Variants in NRG1 observed in about 807,000 individuals in gnomAD.
The protein encoded by NRG1 is neuregulin 1.
In NRG1, 18 loss-of-function variants were observed where a neutral mutation model predicts 63.8. The ratio of observed to expected loss-of-function variants is 0.28; its 90% CI spans 0.19 to 0.42. The LOEUF (loss-of-function observed/expected upper bound fraction) is 0.42. Among genes scored for constraint, NRG1 ranks in the 10% least tolerant of loss-of-function variants. The probability of loss-of-function intolerance (pLI) is 1.00; values close to 1 mark genes in which losing one functional copy is unlikely to be tolerated. For synonymous variants in NRG1, 302 were observed against 301.3 expected, an observed-to-expected ratio of 1.00 and a Z score of -0.02; for missense variants, 762 against 814.7, an observed-to-expected ratio of 0.94 and a Z score of 0.79.
In NRG1 at chr8:32,153,430, T is replaced by C. The variant is rs528162292; in HGVS notation, c.38-442398T>C. Among the ~76,000 whole-genome samples, 5 of 152,224 alleles carry C rather than the reference T, an allele frequency of 3.3e-5. No individual in the cohort carries two copies. The East Asian group carries it at 5.8e-4, about 18-fold the overall frequency. On this transcript the variant is annotated intron_variant, in intron 1 of 10. Coordinates refer to the NRG1 transcript ENST00000519301. ...GCTAAGTTGTCCCCTTGAGGAAGAATGAGGGAAAATGGAGTTCCTGCCACC... is the reference window on the plus strand; with the variant it reads ...GCTAAGTTGTCCCCTTGAGGAAGAACGAGGGAAAATGGAGTTCCTGCCACC...
chr8:32,045,688 C>T (rs1021372509), intron 1 of NRG1, among the ~76,000 whole-genome samples: 5 of 151,804 alleles, frequency 3.3e-5, no homozygotes, highest in African/African-American at 1.2e-4. Flanking sequence ...AATAAAGATG[C>T]AAAAGCAACT....
At chr8:32,005,556 A>G (rs1813641562) in intron 1 of NRG1, among the ~76,000 whole-genome samples, 1 of 151,994 alleles carries the variant, frequency 6.6e-6, no homozygotes, top group African/African-American at 2.4e-5. Context: ...ACTAGTTTAA[A>G]ATATTGCCAT....
intron 1 of NRG1, among the ~76,000 whole-genome samples, chr8:32,203,464 C>T (rs1438225322): frequency 6.6e-6 from 1 of 151,824 alleles, no homozygotes; most frequent in East Asian, 1.9e-4. Flanking sequence ...ACCTCTGTCT[C>T]CCAGCTTCAA....
chr8:32,226,789 A>G (rs796376270), intron 1 of NRG1, among the ~76,000 whole-genome samples: 5 of 152,302 alleles, frequency 3.3e-5, no homozygotes, highest in African/African-American at 1.2e-4. Context: ...GCTGCACTGT[A>G]TGGGAAATAC....
chr8:32,676,266 G>A (rs1807089559), intron 5 of NRG1, among the ~76,000 whole-genome samples: 1 of 152,082 alleles, frequency 6.6e-6, no homozygotes, highest in African/African-American at 2.4e-5. Flanking sequence ...AAGCTAACTG[G>A]GGACTTGCTC....
intron 1 of NRG1, among the ~76,000 whole-genome samples, chr8:31,888,889 T>A (rs529626673): frequency 6.6e-6 from 1 of 152,260 alleles, no homozygotes; most frequent in African/African-American, 2.4e-5. Flanking sequence ...AAAATTTGAA[T>A]AAGGCATATT....
chr8:32,280,705 T>G lies in NRG1; in HGVS notation c.38-315123T>G, dbSNP rs1357685106. 2.3e-3 allele frequency among the ~76,000 whole-genome samples: 335 copies of G among 144,488 alleles called. 3 individuals carry two copies. The highest frequency in any genetic ancestry group is 7.8e-3 in the African/African-American group (304 of 39,064). The allele number at this position is 144,488 out of a possible 152,430, so 94.8% of individuals were successfully genotyped here. ...GTTTTTTTTTTGTTTTTTTTTTTTT[T>G]TTTTTTTTTCAGATAAACCATGAAT... On this transcript the variant is annotated intron_variant, in intron 1 of 10. Transcript: ENST00000519301.
At chr8:31,846,067 A>G (rs1281190926) in intron 1 of NRG1, among the ~76,000 whole-genome samples, 2 of 152,212 alleles carry the variant, frequency 1.3e-5, no homozygotes, top group South Asian at 2.1e-4. Flanking sequence ...TTTGAAACCA[A>G]GGCAAGTCAA....
intron 1 of NRG1, among the ~76,000 whole-genome samples, chr8:32,562,629 C>T (rs901888038): frequency 3.5e-4 from 53 of 151,982 alleles, no homozygotes; most frequent in African/African-American, 1.2e-3. Flanking sequence ...TGAAGGATGA[C>T]GGCATGGTTT....
intron 5 of NRG1, among the ~76,000 whole-genome samples, chr8:32,621,315 TG>T (rs1265772377): frequency 1.3e-5 from 2 of 152,204 alleles, no homozygotes; most frequent in East Asian, 1.9e-4. Context: ...TATAAATAAT[TG>T]CCTAAATGAG....
chr8:32,681,459 C>G lies in NRG1; in HGVS notation c.503-46490C>G, dbSNP rs776588370. ...CCTTCTCCTTCTTCTGCACCTTTTCCTGTGTATTGTCTCCCATTTTAAAAT... is the reference window on the plus strand; with the variant it reads ...CCTTCTCCTTCTTCTGCACCTTTTCGTGTGTATTGTCTCCCATTTTAAAAT... On this transcript the variant is annotated intron_variant, in intron 5 of 11. Transcript: ENST00000356819. 3.4e-4 allele frequency among the ~76,000 whole-genome samples: 51 copies of G among 152,180 alleles called. 1 individual carries two copies. Among genetic ancestry groups the G allele is most frequent in the Middle Eastern group, 6.8e-3 (2 of 294 alleles).
In NRG1 at chr8:31,665,702, A is replaced by C. The variant is rs543955685; in HGVS notation, c.37+26271A>C. Among the ~76,000 whole-genome samples the C allele has an allele frequency of 2.6e-5, 4 of 152,336 alleles. No individual in the cohort carries two copies. In the South Asian group the frequency reaches 8.3e-4, roughly 32 times the overall value. ...CTTTGATTAGTCAATCTAGAAAAGC[A>C]TAGGCTTTATTTTTTTTAATTTTTA... On this transcript the variant is annotated intron_variant, in intron 1 of 10. Transcript: ENST00000519301.
At chr8:32,657,747 G>A (rs1415286115) in intron 5 of NRG1, among the ~76,000 whole-genome samples, 1 of 152,182 alleles carries the variant, frequency 6.6e-6, no homozygotes, top group Non-Finnish European at 1.5e-5. Flanking sequence ...TCTTCTGGGA[G>A]CAAAAGGAAT....
chr8:31,810,110 A>G lies in NRG1; in HGVS notation c.37+170679A>G, dbSNP rs115859633. ...TTTCTTGTCCTACATTCTACATCCA[A>G]TGTATGAACTTGTGCTCACTTTTAT... On this transcript the variant is annotated intron_variant, in intron 1 of 10. Transcript: ENST00000519301. Among the ~76,000 whole-genome samples, 956 of 152,114 alleles carry G rather than the reference A, an allele frequency of 6.3e-3. 8 individuals carry two copies. Among genetic ancestry groups the G allele is most frequent in the African/African-American group, 0.022 (912 of 41,514 alleles).
chr8:31,900,497 A>T (rs1585611636), intron 1 of NRG1, among the ~76,000 whole-genome samples: 1 of 152,328 alleles, frequency 6.6e-6, no homozygotes, highest in South Asian at 2.1e-4. Context: ...ACAAATAGGT[A>T]AGTATAAAAA....
chr8:32,432,559 G>A (rs1818277571), intron 1 of NRG1, among the ~76,000 whole-genome samples: 1 of 152,184 alleles, frequency 6.6e-6, no homozygotes, highest in South Asian at 2.1e-4. Flanking sequence ...TGTCACCCAG[G>A]CTGGAGTTCA....
chr8:32,104,625 TA>T (rs1290990509), intron 1 of NRG1, among the ~76,000 whole-genome samples: 2 of 152,148 alleles, frequency 1.3e-5, no homozygotes, highest in African/African-American at 4.8e-5. Flanking sequence ...TACAGCTGTA[TA>T]AAAATAATTT....
At chr8:32,178,960 C>T (rs369896958) in intron 1 of NRG1, among the ~76,000 whole-genome samples, 47 of 152,000 alleles carry the variant, frequency 3.1e-4, no homozygotes, top group African/African-American at 1.1e-3. Context: ...GATCTCGATT[C>T]TCAATGCCAT....
At chr8:32,607,236 A>G (rs1845425689) in intron 3 of NRG1, among the ~76,000 whole-genome samples, 1 of 152,192 alleles carries the variant, frequency 6.6e-6, no homozygotes, top group Non-Finnish European at 1.5e-5. Context: ...GTAGAATTCT[A>G]TAGGATGCTA....
Sources: allele counts gnomAD v4.1 joint callset (sites outside exome capture counted in the v4.1 genomes callset), GRCh38; gene constraint gnomAD v4.1.1; transcripts MANE v1.5; gene names NCBI Gene and HGNC (gene_info 2026-07-23, HGNC 2026-07-21).